The following DYNC1H1 variants were observed in gnomAD, a reference collection of about 807,000 sequenced individuals.
The protein encoded by DYNC1H1 is dynein cytoplasmic 1 heavy chain 1, also known as cytoplasmic dynein 1 heavy chain 1.
Under a neutral mutation model 527.1 loss-of-function variants are expected in DYNC1H1, and 51 were observed. The observed-to-expected ratio is 0.10, with a 90% CI of 0.08 to 0.12. DYNC1H1 has a LOEUF of 0.12. Ranked by LOEUF, DYNC1H1 falls within the 10% of genes least tolerant of loss-of-function variation. The pLI is 1.00. For missense variants in DYNC1H1, 2,771 were observed against 5,971.8 expected (o/e 0.46, Z 17.66); for synonymous variants, 2,189 against 2,278.8 (o/e 0.96, Z 1.12).
chr14:101,965,129 A>G lies in DYNC1H1; in HGVS notation c.256+182A>G, dbSNP rs540174022. ...GCCGGCCGGGTCCCCAGGGCCGCAG[A>G]CGCCCCGCAGAGGCCGGCGCGGCGC... On this transcript the variant is annotated intron_variant, in intron 1 of 77. Transcript: ENST00000360184. The surrounding 1 kb of genome is among the most constrained non-coding windows in gnomAD (Gnocchi z 4.1). Among the ~76,000 whole-genome samples, 1 of 151,652 alleles carries G rather than the reference A, an allele frequency of 6.6e-6. No homozygotes were observed. The highest frequency in any genetic ancestry group is 1.5e-5 in the Non-Finnish European group (1 of 67,828).
chr14:101,994,579 A>T (rs775605585), intron 12 of DYNC1H1, 94 bp from the exon 13 acceptor site: 1 of 1,520,672 alleles, frequency 6.6e-7, no homozygotes, highest in East Asian at 2.3e-5. Flanking sequence ...GGTGAAAGAC[A>T]TGAACCTTCT....
chr14:101,967,905 T>C (rs907265426), intron 1 of DYNC1H1, among the ~76,000 whole-genome samples: 1 of 152,174 alleles, frequency 6.6e-6, no homozygotes, highest in African/African-American at 2.4e-5. Flanking sequence ...TACTGAGGAA[T>C]TGGAGAGTTT....
At chr14:101,998,360 C>T (rs2048089184) in intron 16 of DYNC1H1, among the ~76,000 whole-genome samples, 1 of 150,738 alleles carries the variant, frequency 6.6e-6, no homozygotes, top group African/African-American at 2.5e-5. Flanking sequence ...CCTCTCCCCT[C>T]TATAAACGCT....
chr14:101,991,678 G>A lies in DYNC1H1; in HGVS notation c.3015+5G>A, dbSNP rs1465752663. 3 of 1,614,032 alleles carry A rather than the reference G, an allele frequency of 1.9e-6. No individual in the cohort carries two copies. The highest frequency in any genetic ancestry group is 2.2e-5 in the South Asian group (2 of 91,084). ...ATCCAGAGTCAGAGGTACCAGGTAA[G>A]CCTTTGGTGACTCGAGGCACACGCC... On this transcript the variant is annotated splice_donor_5th_base_variant and intron_variant, in intron 11 of 77. Transcript: ENST00000360184.
intron 42 of DYNC1H1, among the ~76,000 whole-genome samples, chr14:102,022,156 C>T (rs886163154): frequency 2.0e-5 from 3 of 151,492 alleles, no homozygotes; most frequent in East Asian, 2.0e-4. Context: ...AGTAAGATCG[C>T]GCCACTGCAC....
chr14:102,015,754 G>A lies in DYNC1H1; in HGVS notation c.7243-102G>A. 1 of 1,324,616 alleles carries A rather than the reference G, an allele frequency of 7.5e-7. No individual in the cohort carries two copies. Among genetic ancestry groups the A allele is most frequent in the Non-Finnish European group, 1.1e-6 (1 of 947,354 alleles). The allele number at this position is 1,324,616 out of a possible 1,614,324, so 82.1% of individuals were successfully genotyped here. On this transcript the variant is annotated intron_variant, in intron 35 of 77. Transcript: ENST00000360184. This position sits in a 1 kb window ranked among gnomAD's most constrained non-coding sequence, Gnocchi z 6.9. ...GTCATTGAAGCTTCATCCAAAATGAGTTTTCCAAGGTCGTATGACCTTCTC... is the reference window on the plus strand; with the variant it reads ...GTCATTGAAGCTTCATCCAAAATGAATTTTCCAAGGTCGTATGACCTTCTC...
At position 102,045,227 on chromosome 14, in the gene DYNC1H1, C is replaced by T. The variant is rs191694297; in HGVS notation, c.13006+529C>T. 134 of 188,450 alleles carry T rather than the reference C, an allele frequency of 7.1e-4. 2 individuals are homozygous for T. The highest frequency in any genetic ancestry group is 2.7e-3 in the Admixed American group (49 of 18,462). 11.7% of individuals were successfully genotyped at this position (188,450 alleles called of 1,614,324 possible). A position where few individuals can be genotyped will look rare whatever the true frequency, so the allele number is the denominator to read the frequency against. ...CTGAGGCAGGAGAATTATTTGAACC[C>T]GGGAGATGGAGGTTGCAGTGAGCCG... On this transcript the variant is annotated intron_variant, in intron 72 of 77. Coordinates refer to ENST00000360184, the MANE Select transcript of DYNC1H1 (RefSeq NM_001376.5).
At position 102,017,317 on chromosome 14, in the gene DYNC1H1, C is replaced by T. The variant is rs2048334680; in HGVS notation, c.8055+23C>T. 3 of 1,614,224 alleles carry T rather than the reference C, an allele frequency of 1.9e-6. No individual in the cohort carries two copies. The highest frequency in any genetic ancestry group is 3.3e-5 in the Admixed American group (2 of 60,030). ...CAGGTTTGTTTCTATCCACAAGGCC[C>T]TTCCTGCCCCACAATGTTTCTTGTT... On this transcript the variant is annotated intron_variant, in intron 39 of 77. Transcript: ENST00000360184. The surrounding 1 kb of genome is among the most constrained non-coding windows in gnomAD (Gnocchi z 4.6).
rs1363788854 is a variant in DYNC1H1 at position 102,010,216 on chromosome 14, A to AC, written c.6222-57dup. ...TCCATCTCTGGTTTCTTGACACTTGACCCTATTATTGCTTAAAGTATACTG... is the reference window on the plus strand; with the variant it reads ...TCCATCTCTGGTTTCTTGACACTTGACCCCTATTATTGCTTAAAGTATACTG... On this transcript the variant is annotated intron_variant, in intron 30 of 77. Transcript: ENST00000360184. This position sits in a 1 kb window ranked among gnomAD's most constrained non-coding sequence, Gnocchi z 6.0. 6.2e-7 allele frequency: 1 copy of AC among 1,612,704 alleles called. No homozygotes were observed. The highest frequency in any genetic ancestry group is 1.7e-5 in the Admixed American group (1 of 59,780).
intron 72 of DYNC1H1, among the ~76,000 whole-genome samples, chr14:102,047,179 A>T (rs1243489299): frequency 5.3e-5 from 8 of 152,058 alleles, no homozygotes; most frequent in Non-Finnish European, 1.2e-4. Flanking sequence ...CCTGGTAACA[A>T]TTCTTATTCT....
At position 102,029,076 on chromosome 14, in the gene DYNC1H1, C is replaced by G. The variant is rs953726117; in HGVS notation, c.9469-463C>G. ...TAGGTGTCCTGCTGCCCAGCCCCTG[C>G]AGGCCATCTCCATTGCCCTTGGAAT... On this transcript the variant is annotated intron_variant, in intron 48 of 77. Transcript: ENST00000360184. This position sits in a 1 kb window ranked among gnomAD's most constrained non-coding sequence, Gnocchi z 5.3. The G allele has an allele frequency of 2.3e-5, 5 of 213,796 alleles. No homozygotes were observed. The highest frequency in any genetic ancestry group is 1.1e-4 in the Admixed American group (2 of 18,990). 13.2% of individuals were successfully genotyped at this position (213,796 alleles called of 1,614,324 possible).
Position 101,995,034 on chromosome 14 carries a change from C to A in DYNC1H1, c.3382C>A (p.Leu1128Ile). 6.2e-7 allele frequency: 1 copy of A among 1,614,178 alleles called. No individual in the cohort carries two copies. Among genetic ancestry groups the A allele is most frequent in the Non-Finnish European group, 8.5e-7 (1 of 1,180,016 alleles). Reference protein sequence around the residue: ...LKYDSWHKEVLSKFGQMLGSN... With the variant: ...LKYDSWHKEVISKFGQMLGSN... ...ATATGACTCTTGGCATAAGGAGGTT[C>A]TTAGCAAATTTGGGCAGATGCTAGG... Residue 1128 changes from leucine to isoleucine, a missense_variant, in exon 14 of 78, where the codon CTT (leucine) becomes ATT (isoleucine). This residue lies in a region of DYNC1H1 where 3 missense variants were observed against 30.0 expected (regional missense o/e 0.10). Transcript: ENST00000360184.
intron 2 of DYNC1H1, among the ~76,000 whole-genome samples, chr14:101,976,347 A>G (rs1009418801): frequency 2.0e-5 from 3 of 150,532 alleles, no homozygotes; most frequent in Non-Finnish European, 4.4e-5. Flanking sequence ...GTTTGAGACC[A>G]CCCTGACCAA....
intron 7 of DYNC1H1, among the ~76,000 whole-genome samples, chr14:101,984,653 C>T (rs2047911886): frequency 6.7e-6 from 1 of 150,308 alleles, no homozygotes; most frequent in South Asian, 2.1e-4. Context: ...GATTCACCGG[C>T]CGGGCGCGGT....
At chr14:101,995,567 T>G (rs564159109) in intron 15 of DYNC1H1, among the ~76,000 whole-genome samples, 4 of 149,708 alleles carry the variant, frequency 2.7e-5, no homozygotes, top group Middle Eastern at 3.4e-3. Flanking sequence ...GCCGAAATTG[T>G]GCCACTGCAT....
rs770685485 is a variant in DYNC1H1 at position 101,985,946 on chromosome 14, C to T, written c.1721C>T (p.Thr574Ile). 2.5e-6 allele frequency: 4 copies of T among 1,614,090 alleles called. No homozygotes were observed. The highest frequency in any genetic ancestry group is 2.2e-5 in the East Asian group (1 of 44,894). ...ITARLRDQLG[T>I]AKNANEMFRI... The stretch of plus-strand genomic sequence containing the variant: ...GCTCGCCTTCGGGATCAGCTTGGCA[C>T]AGCCAAGAATGCCAACGAGATGTTT... Residue 574 changes from threonine to isoleucine, a missense_variant, in exon 8 of 78, where the codon ACA (threonine) becomes ATA (isoleucine). Physicochemically the swap from Thr to Ile is moderately conservative, Grantham distance 89. Around this residue, in one of 32 missense-constraint regions of DYNC1H1, gnomAD observed 264 missense variants for 619.4 expected, o/e 0.43. Transcript: ENST00000360184. The surrounding 1 kb of genome is among the most constrained non-coding windows in gnomAD (Gnocchi z 5.9).
rs372623721 is a variant in DYNC1H1, at chr14:102,039,618, G to A, written c.11596-20G>A. The A allele has an allele frequency of 9.9e-5, 160 of 1,614,044 alleles. No individual in the cohort carries two copies. The highest frequency in any genetic ancestry group is 1.3e-4 in the Non-Finnish European group (149 of 1,180,032). ...GCTGCTTCTCTTATGGAACAACATC[G>A]TCTCCTGCTCTTGTCCCAGGTGGCG... On this transcript the variant is annotated intron_variant, in intron 61 of 77. Coordinates refer to ENST00000360184, the MANE Select transcript of DYNC1H1 (RefSeq NM_001376.5). This position sits in a 1 kb window ranked among gnomAD's most constrained non-coding sequence, Gnocchi z 7.0.
In DYNC1H1 at chr14:102,050,194, G is replaced by A; in HGVS notation, c.13808G>A (p.Ser4603Asn). ...VKQTNTEKKA[S>N]VVTLPVYLNF... ...CAGACAAACACCGAGAAGAAGGCCA[G>A]TGTGGTAAGGAGGCACTGCCTTTCC... is the stretch of plus-strand genomic sequence containing the variant. Residue 4603 changes from serine to asparagine, a missense_variant, in exon 77 of 78, where the codon AGT (serine) becomes AAT (asparagine). Around this residue, in one of 32 missense-constraint regions of DYNC1H1, gnomAD observed 106 missense variants for 139.2 expected, o/e 0.76. Transcript: ENST00000360184. The A allele has an allele frequency of 6.2e-7, 1 of 1,614,088 alleles. No individual in the cohort carries two copies. The highest frequency in any genetic ancestry group is 8.5e-7 in the Non-Finnish European group (1 of 1,180,036).
At chr14:102,009,253 C>A (rs1026580410) in intron 29 of DYNC1H1, 3 of 157,962 alleles carry the variant, frequency 1.9e-5, no homozygotes, top group Admixed American at 1.2e-4. Context: ...CACAGCGTAG[C>A]TTTTAATGTT....
Sources: gnomAD v4.1 joint callset for allele counts (sites outside exome capture counted in the v4.1 genomes callset) on GRCh38, gnomAD v4.1.1 for gene constraint, gnomAD v4.1.1 regional missense constraint, Gnocchi (gnomAD v3.1) non-coding constraint, MANE v1.5 for transcripts, NCBI Gene and HGNC (gene_info 2026-07-23, HGNC 2026-07-21) for gene names.